The following DPYSL2 variants were observed in gnomAD, a reference collection of about 807,000 sequenced individuals.
The protein encoded by DPYSL2 is dihydropyrimidinase-related protein 2.
Under a neutral mutation model 69.9 loss-of-function variants are expected in DPYSL2, and 13 were observed. That is an observed-to-expected ratio of 0.19 (90% confidence interval 0.12 to 0.30). The LOEUF is 0.30. DPYSL2 is among the 10% of genes least tolerant of loss of function. The pLI, the probability that DPYSL2 is intolerant of heterozygous loss-of-function variation, is 1.00. For synonymous variants in DPYSL2, 326 were observed against 359.1 expected (o/e 0.91, Z 1.04); for missense variants, 587 against 918.9 (o/e 0.64, Z 4.67).
In DPYSL2 at chr8:26,627,250, C is replaced by T. The variant is rs62001888; in HGVS notation, c.891C>T (p.Gly297=). 2.0e-5 allele frequency: 32 copies of T among 1,614,056 alleles called. No homozygotes were observed. The highest frequency in any genetic ancestry group is 1.2e-4 in the South Asian group (11 of 91,084). ...TACTGAGTGTGATCCGGGATATTGGCGCCATAGCCCAAGTCCACGCAGAAA... is the reference window on the plus strand; with the variant it reads ...TACTGAGTGTGATCCGGGATATTGGTGCCATAGCCCAAGTCCACGCAGAAA... The part of the protein sequence containing the change: ...YEVLSVIRDI[G]AIAQVHAENG... Residue 297 remains glycine, a synonymous_variant, in exon 6 of 14, where the codon GGC becomes GGT. Coordinates refer to ENST00000521913, the MANE Select transcript of DPYSL2 (RefSeq NM_001197293.3). The surrounding 1 kb of genome is among the most constrained non-coding windows in gnomAD (Gnocchi z 6.9).
At chr8:26,556,352 GTA>G (rs58393294) in intron 1 of DPYSL2, among the ~76,000 whole-genome samples, 171 of 4,588 alleles carry the variant, frequency 0.037, 16 homozygotes, top group East Asian at 0.17. Context: ...TATATATATA[GTA>G]TATATATATA....
rs1049596692 is a variant in DPYSL2 at position 26,614,833 on chromosome 8, G to A, written c.629-9310G>A. 3.9e-5 allele frequency among the ~76,000 whole-genome samples: 6 copies of A among 152,340 alleles called. No individual in the cohort carries two copies. The highest frequency in any genetic ancestry group is 5.9e-5 in the Non-Finnish European group (4 of 68,032). On this transcript the variant is annotated intron_variant, in intron 3 of 13. Coordinates refer to ENST00000521913, the MANE Select transcript of DPYSL2 (RefSeq NM_001197293.3). This position sits in a 1 kb window ranked among gnomAD's most constrained non-coding sequence, Gnocchi z 4.9. ...TGTTTCCATATGCCTGCCACCCTTA[G>A]GCTAAGGACACGGTTTTCCTATCTG...
chr8:26,606,034 C>T (rs558214113), intron 3 of DPYSL2, among the ~76,000 whole-genome samples: 102 of 152,250 alleles, frequency 6.7e-4, no homozygotes, highest in Non-Finnish European at 1.2e-3. Flanking sequence ...GAGACCACTA[C>T]TGGCTAGATA....
chr8:26,570,691 G>A (rs1022205133), intron 1 of DPYSL2, among the ~76,000 whole-genome samples: 7 of 137,118 alleles, frequency 5.1e-5, no homozygotes, highest in Admixed American at 8.2e-5. Context: ...TTGAGATCAC[G>A]CCACTGCACT....
intron 1 of DPYSL2, among the ~76,000 whole-genome samples, chr8:26,568,462 A>C (rs1012367949): frequency 3.9e-5 from 6 of 152,216 alleles, no homozygotes; most frequent in African/African-American, 1.4e-4. Context: ...CCTTGAAAAC[A>C]AACAGGGTGG....
Position 26,566,636 on chromosome 8 carries a change from G to A in DPYSL2, c.355-15333G>A, listed in dbSNP as rs181443948. Among the ~76,000 whole-genome samples, 274 of 152,222 alleles carry A rather than the reference G, an allele frequency of 1.8e-3. 1 individual carries two copies. The highest frequency in any genetic ancestry group is 3.4e-3 in the Non-Finnish European group (233 of 68,022). On this transcript the variant is annotated intron_variant, in intron 1 of 13. Coordinates refer to ENST00000521913, the MANE Select transcript of DPYSL2 (RefSeq NM_001197293.3). Reference sequence around the variant, plus strand: ...AAGGAGTAGATGATGAGAAGAAAGAGAATGGAAAAGAAGACACCCACAGTC... The same window carrying A: ...AAGGAGTAGATGATGAGAAGAAAGAAAATGGAAAAGAAGACACCCACAGTC...
Position 26,514,557 on chromosome 8 carries a change from C to T in DPYSL2, c.232C>T (p.Pro78Ser). ...QRDVAHLGPD[P>S]QPPYSRQGRR... ...GGACGTCGCCCACTTGGGCCCGGAC[C>T]CGCAGCCGCCGTACTCGCGGCAGGG... The change falls in exon 1 of 14, where the codon CCG becomes TCG. Residue 78 changes from proline (P) to serine (S), a missense_variant. Pro to Ser is a moderately conservative substitution (Grantham distance 74). This residue lies in a region of DPYSL2 where 85 missense variants were observed against 77.7 expected (regional missense o/e 1.09). Coordinates refer to ENST00000521913, the MANE Select transcript of DPYSL2 (RefSeq NM_001197293.3). The surrounding 1 kb of genome is among the most constrained non-coding windows in gnomAD (Gnocchi z 8.4). 2 of 1,526,942 alleles carry T rather than the reference C, an allele frequency of 1.3e-6. No homozygotes were observed. Among genetic ancestry groups the T allele is most frequent in the Non-Finnish European group, 8.8e-7 (1 of 1,142,468 alleles). The allele number at this position is 1,526,942 out of a possible 1,614,324, so 94.6% of individuals were successfully genotyped here. A position where few individuals can be genotyped will look rare whatever the true frequency, so the allele number is the denominator to read the frequency against.
In DPYSL2 at chr8:26,583,893, C is replaced by T. The variant is rs774132967; in HGVS notation, c.538C>T (p.Arg180Cys). Residue 180 changes from arginine (R) to cysteine (C), a missense_variant, in exon 3 of 14, where the codon CGT becomes TGT. Physicochemically the swap from Arg to Cys is radical, Grantham distance 180. Coordinates refer to ENST00000521913, the MANE Select transcript of DPYSL2 (RefSeq NM_001197293.3). ...VIPGGIDVHT[R>C]FQMPDQGMTS... ...CCCCGGAGGAATTGACGTCCACACT[C>T]GTTTCCAGATGCCTGATCAGGGAAT... 2 of 1,614,216 alleles carry T rather than the reference C, an allele frequency of 1.2e-6. No individual in the cohort carries two copies. The highest frequency in any genetic ancestry group is 1.1e-5 in the South Asian group (1 of 91,082).
intron 3 of DPYSL2, among the ~76,000 whole-genome samples, chr8:26,595,601 C>T (rs557455005): frequency 1.3e-5 from 2 of 152,338 alleles, no homozygotes; most frequent in East Asian, 1.9e-4. Flanking sequence ...CCCTCTTCCC[C>T]GCTGCCTTGC....
chr8:26,573,181 G>A (rs182328854), intron 1 of DPYSL2, among the ~76,000 whole-genome samples: 2 of 152,310 alleles, frequency 1.3e-5, no homozygotes, highest in African/African-American at 4.8e-5. Flanking sequence ...TCTTCCTGGA[G>A]TTTCAGGGGC....
rs191550422 is a variant in DPYSL2, at chr8:26,624,013, C to G, written c.629-130C>G. 54 of 916,420 alleles carry G rather than the reference C, an allele frequency of 5.9e-5. No individual in the cohort carries two copies. The African/African-American group carries it at 6.8e-4, about 12-fold the overall frequency. 56.8% of individuals were successfully genotyped at this position (916,420 alleles called of 1,614,324 possible). A position where few individuals can be genotyped will look rare whatever the true frequency, so the allele number is the denominator to read the frequency against. On this transcript the variant is annotated intron_variant, in intron 3 of 13. Coordinates refer to ENST00000521913, the MANE Select transcript of DPYSL2 (RefSeq NM_001197293.3). This position sits in a 1 kb window ranked among gnomAD's most constrained non-coding sequence, Gnocchi z 4.7. The stretch of plus-strand genomic sequence containing the variant: ...GCTGGGTTACATGGATTCTTAGAAG[C>G]TGGTTGTAGAGATCACCATCTCGAT...
chr8:26,632,595 T>A (rs1309869090), intron 7 of DPYSL2, among the ~76,000 whole-genome samples: 1 of 152,170 alleles, frequency 6.6e-6, no homozygotes, highest in Non-Finnish European at 1.5e-5. Flanking sequence ...TCCCAGCACT[T>A]TGGGAGGCCG....
intron 1 of DPYSL2, among the ~76,000 whole-genome samples, chr8:26,563,174 C>T (rs1335402702): frequency 2.6e-5 from 4 of 152,148 alleles, no homozygotes; most frequent in Non-Finnish European, 5.9e-5. Context: ...ATTTGTGGCA[C>T]TGTTTTTAAA....
rs62493399 is a variant in DPYSL2, at chr8:26,641,981, C to T, written c.1127-1458C>T. Among the ~76,000 whole-genome samples, 1,472 of 152,250 alleles carry T rather than the reference C, an allele frequency of 9.7e-3. 13 individuals carry two copies. The highest frequency in any genetic ancestry group is 0.051 in the Middle Eastern group (15 of 294). ...CTGTGGAGAGGAAGGAAAACACATT[C>T]CTGACTGTGGTGTGTTTGCCCTTGA... On this transcript the variant is annotated intron_variant, in intron 8 of 13. Transcript: ENST00000521913. This position sits in a 1 kb window ranked among gnomAD's most constrained non-coding sequence, Gnocchi z 4.1.
chr8:26,538,290 A>G (rs1385663008), intron 1 of DPYSL2, among the ~76,000 whole-genome samples: 3 of 152,214 alleles, frequency 2.0e-5, no homozygotes, highest in Non-Finnish European at 2.9e-5. Flanking sequence ...GCTACTTGCC[A>G]ATGAAAATAG....
chr8:26,569,564 C>T (rs1003143868), intron 1 of DPYSL2, among the ~76,000 whole-genome samples: 1 of 152,074 alleles, frequency 6.6e-6, no homozygotes, highest in Admixed American at 6.5e-5. Flanking sequence ...TGTGCGGTCA[C>T]TGTAAGGTGG....
intron 1 of DPYSL2, chr8:26,578,175 CAA>C: frequency 6.2e-7 from 1 of 1,605,156 alleles, no homozygotes. Context: ...CAAAACAAAA[CAA>C]AAAAAACCCA....
At position 26,591,884 on chromosome 8, in the gene DPYSL2, G is replaced by A. The variant is rs575369363; in HGVS notation, c.628+7901G>A. Among the ~76,000 whole-genome samples, 1 of 152,268 alleles carries A rather than the reference G, an allele frequency of 6.6e-6. No homozygotes were observed. Among genetic ancestry groups the A allele is most frequent in the East Asian group, 1.9e-4 (1 of 5,160 alleles). On this transcript the variant is annotated intron_variant, in intron 3 of 13. Coordinates refer to ENST00000521913, the MANE Select transcript of DPYSL2 (RefSeq NM_001197293.3). This position sits in a 1 kb window ranked among gnomAD's most constrained non-coding sequence, Gnocchi z 5.8. ...ACCTCCCCTGCAAAGCTTGCAATGC[G>A]ATTGGTCCTGGTGTAGCCTCCGTGT...
rs1563202368 is a variant in DPYSL2, at chr8:26,657,050, C to CG, written c.*1348dup. 6.6e-6 allele frequency: 1 copy of CG among 152,024 alleles called. No individual in the cohort carries two copies. Among genetic ancestry groups the CG allele is most frequent in the African/African-American group, 2.4e-5 (1 of 41,408 alleles). 9.4% of individuals were successfully genotyped at this position (152,024 alleles called of 1,614,324 possible). ...AGAACACATGGGAGCTTTTTATTTT[C>CG]GGGGAAAAACCGTATTTTTTTCTTG... On this transcript the variant is annotated 3_prime_UTR_variant, in exon 14 of 14. Transcript: ENST00000521913.
Sources: allele counts gnomAD v4.1 joint callset (sites outside exome capture counted in the v4.1 genomes callset), GRCh38; gene constraint gnomAD v4.1.1; regional missense constraint gnomAD v4.1.1; non-coding constraint Gnocchi (gnomAD v3.1); transcripts MANE v1.5; gene names NCBI Gene and HGNC (gene_info 2026-07-23, HGNC 2026-07-21).